Variants in THRAP3 observed in about 807,000 individuals in gnomAD.
The protein encoded by THRAP3 is thyroid hormone receptor associated protein 3.
In THRAP3, 16 loss-of-function variants were observed where a neutral mutation model predicts 101.0. The observed-to-expected ratio is 0.16, with a 90% CI of 0.11 to 0.24. The LOEUF is 0.24. THRAP3 is among the 10% of genes least tolerant of loss of function. The pLI, the probability that THRAP3 is intolerant of heterozygous loss-of-function variation, is 1.00. For synonymous variants in THRAP3, 407 were observed against 422.6 expected (o/e 0.96, Z 0.45); for missense variants, 989 against 1,202.7 (o/e 0.82, Z 2.63).
At chr1:36,274,985 CTT>C (rs1286337309) in intron 2 of THRAP3, among the ~76,000 whole-genome samples, 1 of 147,742 alleles carries the variant, frequency 6.8e-6, no homozygotes, top group African/African-American at 2.5e-5. Flanking sequence ...AAAGAATAGT[CTT>C]TTTTGGCCGG....
intron 7 of THRAP3, among the ~76,000 whole-genome samples, chr1:36,293,258 A>G (rs1645901357): frequency 6.6e-6 from 1 of 151,506 alleles, no homozygotes; most frequent in African/African-American, 2.4e-5. Flanking sequence ...TGAACTCTCA[A>G]CCTCAGGTGA....
the THRAP3 span, among the ~76,000 whole-genome samples, chr1:36,214,089 A>G: frequency 6.6e-6 from 1 of 152,230 alleles, no homozygotes; most frequent in Non-Finnish European, 1.5e-5. Context: ...AGAAACAGGA[A>G]AAAACTAAGG....
chr1:36,286,757 C>A lies in THRAP3; in HGVS notation c.527C>A (p.Ser176Tyr). 1 of 1,614,242 alleles carries A rather than the reference C, an allele frequency of 6.2e-7. No homozygotes were observed. Among genetic ancestry groups the A allele is most frequent in the Non-Finnish European group, 8.5e-7 (1 of 1,180,050 alleles). Residue 176 changes from serine to tyrosine, a missense_variant, in exon 4 of 12, where the codon TCT becomes TAT. Coordinates refer to ENST00000354618, the MANE Select transcript of THRAP3 (RefSeq NM_005119.4). The surrounding 1 kb of genome is among the most constrained non-coding windows in gnomAD (Gnocchi z 5.5). Reference sequence around the variant, plus strand: ...CGAGTTGAATCTTCTAAGCGCAAGTCTGCAAAGGAGAAAAAGTCCTCTTCT... The same window carrying A: ...CGAGTTGAATCTTCTAAGCGCAAGTATGCAAAGGAGAAAAAGTCCTCTTCT... ...HSRVESSKRK[S>Y]AKEKKSSSKD...
chr1:36,303,624 G>C (rs971805392), intron 11 of THRAP3, among the ~76,000 whole-genome samples, 172 bp from the exon 12 acceptor site: 3 of 152,132 alleles, frequency 2.0e-5, no homozygotes, highest in African/African-American at 7.2e-5. Flanking sequence ...TCATGGATCT[G>C]AACCACTGGC....
chr1:36,300,060 A>G (rs1557460268), intron 9 of THRAP3, among the ~76,000 whole-genome samples: 1 of 152,146 alleles, frequency 6.6e-6, no homozygotes, highest in Non-Finnish European at 1.5e-5. Flanking sequence ...GCTGCCCCCT[A>G]GAGGTATTCA....
chr1:36,292,843 A>G lies in THRAP3; in HGVS notation c.2030+134A>G, dbSNP rs552047747. 1,220 of 622,874 alleles carry G rather than the reference A, an allele frequency of 2.0e-3. 3 individuals carry two copies. The highest frequency in any genetic ancestry group is 2.7e-3 in the Non-Finnish European group (955 of 354,694). The allele number at this position is 622,874 out of a possible 1,614,324, so 38.6% of individuals were successfully genotyped here. ...AGTAACATCCTTCAGACTCTAAGAG[A>G]GCTATAGGCATTTATATTTGAGAGT... is the stretch of plus-strand genomic sequence containing the variant. On this transcript the variant is annotated intron_variant, in intron 7 of 11. Coordinates refer to ENST00000354618, the MANE Select transcript of THRAP3 (RefSeq NM_005119.4).
chr1:36,266,759 C>CA (rs1645519120), intron 2 of THRAP3, among the ~76,000 whole-genome samples: 1 of 152,142 alleles, frequency 6.6e-6, no homozygotes, highest in African/African-American at 2.4e-5. Context: ...TAAGTACAGT[C>CA]AGAGAAGGTA....
intron 2 of THRAP3, among the ~76,000 whole-genome samples, chr1:36,275,824 C>T (rs1645652612): frequency 6.6e-6 from 1 of 151,698 alleles, no homozygotes; most frequent in Admixed American, 6.6e-5. Context: ...AGTTCCAGAC[C>T]AGTCTGGACA....
At position 36,305,253 on chromosome 1, in the gene THRAP3, T is replaced by G. The variant is rs1557465738; in HGVS notation, c.*1236T>G. On this transcript the variant is annotated 3_prime_UTR_variant, in exon 12 of 12. Transcript: ENST00000354618. ...ACTTTGCTACATTTCTATAGTTAAG[T>G]TGGTTTTACTTGAATGATTCATGTT... is the stretch of plus-strand genomic sequence containing the variant. The G allele has an allele frequency of 4.8e-6, 1 of 209,744 alleles. No homozygotes were observed. Among genetic ancestry groups the G allele is most frequent in the African/African-American group, 2.3e-5 (1 of 44,010 alleles). 13.0% of individuals were successfully genotyped at this position (209,744 alleles called of 1,614,324 possible). A position where few individuals can be genotyped will look rare whatever the true frequency, so the allele number is the denominator to read the frequency against.
intron 5 of THRAP3, among the ~76,000 whole-genome samples, chr1:36,290,492 ATCTC>A (rs1291607398): frequency 7.5e-5 from 10 of 132,506 alleles, no homozygotes; most frequent in African/African-American, 1.5e-4. Context: ...CCAGCCCAGA[ATCTC>A]TCTCTGTCAC....
the THRAP3 span, among the ~76,000 whole-genome samples, chr1:36,217,829 TC>T: frequency 6.6e-6 from 1 of 152,136 alleles, no homozygotes; most frequent in South Asian, 2.1e-4. Flanking sequence ...AACTGGCCAT[TC>T]CCTGTTTCTC....
chr1:36,304,440 C>G lies in THRAP3; in HGVS notation c.*423C>G. ...TTTCCCCTGTCCTGATTTTAAAAGC[C>G]CCCTCCTTTTTTTTTTTTTTTTTCT... On this transcript the variant is annotated 3_prime_UTR_variant, in exon 12 of 12. Transcript: ENST00000354618. The G allele has an allele frequency of 4.3e-6, 1 of 231,844 alleles. No homozygotes were observed. Among genetic ancestry groups the G allele is most frequent in the Non-Finnish European group, 8.5e-6 (1 of 117,898 alleles). 14.4% of individuals were successfully genotyped at this position (231,844 alleles called of 1,614,324 possible).
At chr1:36,288,950 C>A in intron 4 of THRAP3, 110 bp from the exon 5 acceptor site, 6 of 1,374,942 alleles carry the variant, frequency 4.4e-6, no homozygotes, top group South Asian at 2.0e-5. Flanking sequence ...TACAGGAATC[C>A]ATAAGACATG....
intron 2 of THRAP3, among the ~76,000 whole-genome samples, chr1:36,263,289 G>A (rs1046976796): frequency 6.6e-6 from 1 of 152,020 alleles, no homozygotes; most frequent in Non-Finnish European, 1.5e-5. Context: ...TTGTAGAGAT[G>A]AGGTCTTACT....
chr1:36,224,086 A>C (rs1234112918), upstream of THRAP3, among the ~76,000 whole-genome samples: 1 of 152,236 alleles, frequency 6.6e-6, no homozygotes, highest in Non-Finnish European at 1.5e-5. Context: ...CTTTTCAACA[A>C]GGCAAGCTGG....
chr1:36,304,446 C>CTT lies in THRAP3; in HGVS notation c.*445_*446dup, dbSNP rs78206872. 8.5e-3 allele frequency: 1,553 copies of CTT among 182,924 alleles called. 21 individuals carry two copies. The highest frequency in any genetic ancestry group is 0.027 in the African/African-American group (1,034 of 37,702). The allele number at this position is 182,924 out of a possible 1,614,324, so 11.3% of individuals were successfully genotyped here. ...CTGTCCTGATTTTAAAAGCCCCCTC[C>CTT]TTTTTTTTTTTTTTTTTCTTTTTTT... On this transcript the variant is annotated 3_prime_UTR_variant, in exon 12 of 12. Transcript: ENST00000354618.
the THRAP3 span, among the ~76,000 whole-genome samples, chr1:36,215,576 C>T: frequency 1.3e-5 from 2 of 152,172 alleles, no homozygotes; most frequent in East Asian, 3.8e-4. Flanking sequence ...TATACCAAGT[C>T]AGCAAGCCTT....
intron 1 of THRAP3, among the ~76,000 whole-genome samples, chr1:36,237,274 CCT>C (rs1181642020): frequency 6.6e-6 from 1 of 151,986 alleles, no homozygotes; most frequent in Non-Finnish European, 1.5e-5. Flanking sequence ...TCAAGACCAT[CCT>C]AGCCAGCATG....
intron 2 of THRAP3, among the ~76,000 whole-genome samples, chr1:36,266,675 C>T (rs1251353784): frequency 6.6e-6 from 1 of 152,142 alleles, no homozygotes; most frequent in African/African-American, 2.4e-5. Flanking sequence ...CTCTAACTTG[C>T]TCTGGAACCT....
Sources: gnomAD v4.1 joint callset for allele counts (sites outside exome capture counted in the v4.1 genomes callset) on GRCh38, gnomAD v4.1.1 for gene constraint, Gnocchi (gnomAD v3.1) non-coding constraint, MANE v1.5 for transcripts, NCBI Gene and HGNC (gene_info 2026-07-23, HGNC 2026-07-21) for gene names.